GRIA3: variants seen among roughly 807,000 people sequenced by gnomAD.
GRIA3 encodes glutamate receptor 3.
A neutral mutation model predicts 63.0 loss-of-function variants in GRIA3; 3 were observed. The ratio of observed to expected loss-of-function variants is 0.05; its 90% CI spans 0.02 to 0.12. GRIA3 has a LOEUF of 0.12. GRIA3 is among the 10% of genes least tolerant of loss of function. GRIA3 has a pLI of 1.00. For synonymous variants in GRIA3, 274 were observed against 257.9 expected (o/e 1.06, Z -0.60); for missense variants, 347 against 700.9 (o/e 0.50, Z 5.70).
chrX:123,303,502 T>C (rs2044736166), intron 3 of GRIA3, among the ~76,000 whole-genome samples: 1 of 111,344 alleles, frequency 9.0e-6, no homozygotes, highest in African/African-American at 3.3e-5. Context: ...TAAGGAAACA[T>C]ATATCTGTGA....
chrX:123,417,527 A>G lies in GRIA3; in HGVS notation c.1626A>G (p.Pro542=). The G allele has an allele frequency of 4.1e-6, 5 of 1,210,837 alleles. No individual in the cohort carries two copies. Among genetic ancestry groups the G allele is most frequent in the Non-Finnish European group, 5.6e-6 (5 of 894,710 alleles). ...TAAAGAAGCCTCAGAAATCAAAACC[A>G]GGCGTATTCTCATTTCTGGATCCCC... is the stretch of plus-strand genomic sequence containing the variant. ...IMIKKPQKSK[P]GVFSFLDPLA... Residue 542 remains proline (P), a synonymous_variant, in exon 11 of 16, where the codon CCA becomes CCG. Transcript: ENST00000620443.
At chrX:123,215,283 A>T (rs1296443345) in intron 2 of GRIA3, among the ~76,000 whole-genome samples, 1 of 111,924 alleles carries the variant, frequency 8.9e-6, no homozygotes, top group Non-Finnish European at 1.9e-5. Flanking sequence ...AAGCTGTAGG[A>T]CTTTAGCAAA....
At chrX:123,403,734 T>C (rs777244637) in intron 9 of GRIA3, among the ~76,000 whole-genome samples, 2 of 111,541 alleles carry the variant, frequency 1.8e-5, no homozygotes, top group South Asian at 3.8e-4. Flanking sequence ...TTAGAACAGT[T>C]TTAGATTATC....
intron 3 of GRIA3, among the ~76,000 whole-genome samples, chrX:123,291,542 T>TG (rs925161845): frequency 3.6e-5 from 4 of 110,233 alleles, no homozygotes; most frequent in African/African-American, 1.3e-4. Context: ...CATGTACCCC[T>TG]GAATCTCAAA....
chrX:123,190,526 G>A lies in GRIA3; in HGVS notation c.268+4536G>A, dbSNP rs181641177. On this transcript the variant is annotated intron_variant, in intron 2 of 15. Coordinates refer to ENST00000620443, the MANE Select transcript of GRIA3 (RefSeq NM_007325.5). ...TAGATGGCAATCAGCAGGCTGTAAA[G>A]GTGAGCTTCCTGCAAAGTGTATTAC... Among the ~76,000 whole-genome samples the A allele has an allele frequency of 4.5e-5, 5 of 111,519 alleles. No individual in the cohort carries two copies. In the Admixed American group the frequency reaches 4.8e-4, roughly 11 times the overall value.
intron 3 of GRIA3, among the ~76,000 whole-genome samples, chrX:123,319,225 G>A (rs148872662): frequency 1.0e-3 from 113 of 111,878 alleles, no homozygotes; most frequent in African/African-American, 3.4e-3. Context: ...ACAGTAACAT[G>A]CTGTACAGTT....
chrX:123,191,724 T>G (rs1455379544), intron 2 of GRIA3, among the ~76,000 whole-genome samples: 1 of 110,481 alleles, frequency 9.1e-6, no homozygotes, highest in Non-Finnish European at 1.9e-5. Flanking sequence ...TCCCAGAACT[T>G]CTCCTTCTCC....
At position 123,326,015 on chromosome X, in the gene GRIA3, C is replaced by T; in HGVS notation, c.509-11C>T. 8.4e-7 allele frequency: 1 copy of T among 1,196,517 alleles called. No individual in the cohort carries two copies. Among genetic ancestry groups the T allele is most frequent in the Non-Finnish European group, 1.1e-6 (1 of 882,206 alleles). On this transcript the variant is annotated splice_polypyrimidine_tract_variant and intron_variant, in intron 3 of 15. Coordinates refer to ENST00000620443, the MANE Select transcript of GRIA3 (RefSeq NM_007325.5). ...TTTTTAAATCATTGAAGCTGTTTTTCCTTCCTTCAGGATTTTCCATCCTCC... is the reference window on the plus strand; with the variant it reads ...TTTTTAAATCATTGAAGCTGTTTTTTCTTCCTTCAGGATTTTCCATCCTCC...
intron 3 of GRIA3, among the ~76,000 whole-genome samples, chrX:123,308,599 G>A (rs981672057): frequency 8.9e-6 from 1 of 111,820 alleles, no homozygotes. Flanking sequence ...GGTAACCAGG[G>A]CTGTGCAGAG....
intron 2 of GRIA3, among the ~76,000 whole-genome samples, chrX:123,227,368 T>C (rs1031190928): frequency 8.9e-6 from 1 of 111,808 alleles, no homozygotes; most frequent in East Asian, 2.8e-4. Flanking sequence ...ATAAAGCAAA[T>C]ATTTAATAAA....
At chrX:123,313,262 T>C (rs1219330329) in intron 3 of GRIA3, among the ~76,000 whole-genome samples, 1 of 111,320 alleles carries the variant, frequency 9.0e-6, no homozygotes, top group Non-Finnish European at 1.9e-5. Context: ...TTGAACCCCA[T>C]TTTGGGTGTT....
At chrX:123,327,331 A>G (rs1046942595) in intron 4 of GRIA3, among the ~76,000 whole-genome samples, 8 of 111,740 alleles carry the variant, frequency 7.2e-5, no homozygotes, top group African/African-American at 2.6e-4. Context: ...TCAAGCTGAA[A>G]TGTGAAGAAA....
At chrX:123,224,506 G>GT (rs1271777218) in intron 2 of GRIA3, among the ~76,000 whole-genome samples, 1 of 110,991 alleles carries the variant, frequency 9.0e-6, no homozygotes, top group African/African-American at 3.3e-5. Flanking sequence ...TATTCTCCTC[G>GT]TTTTTTTCCA....
intron 6 of GRIA3, among the ~76,000 whole-genome samples, chrX:123,397,976 T>C (rs1351293130): frequency 8.9e-6 from 1 of 112,110 alleles, no homozygotes. Flanking sequence ...TGTTCTTGCC[T>C]GCAAGAGGTG....
intron 4 of GRIA3, among the ~76,000 whole-genome samples, 188 bp downstream of exon 4, chrX:123,326,401 A>C (rs2044905302): frequency 9.1e-6 from 1 of 110,280 alleles, no homozygotes; most frequent in Non-Finnish European, 1.9e-5. Flanking sequence ...GAAAGAAAAG[A>C]GAAGAAAATC....
Position 123,316,576 on chromosome X carries a change from GT to G in GRIA3, c.509-9448del, listed in dbSNP as rs1215137775. Reference sequence around the variant, plus strand: ...AAATAATTAGAGATGCTGTATGAGTGTTGTCAGCACGGCATTATTCATAATA... The same window carrying G: ...AAATAATTAGAGATGCTGTATGAGTGTGTCAGCACGGCATTATTCATAATA... On this transcript the variant is annotated intron_variant, in intron 3 of 15. Coordinates refer to ENST00000620443, the MANE Select transcript of GRIA3 (RefSeq NM_007325.5). 7.1e-5 allele frequency among the ~76,000 whole-genome samples: 8 copies of G among 112,362 alleles called. No homozygotes were observed. In the South Asian group the frequency reaches 1.1e-3, roughly 16 times the overall value.
At chrX:123,391,066 T>C (rs1243594571) in intron 5 of GRIA3, among the ~76,000 whole-genome samples, 1 of 111,829 alleles carries the variant, frequency 8.9e-6, no homozygotes, top group Non-Finnish European at 1.9e-5. Flanking sequence ...TGTATTGTTG[T>C]TCTGATTTCT....
At chrX:123,298,366 A>G (rs971106009) in intron 3 of GRIA3, among the ~76,000 whole-genome samples, 11 of 110,831 alleles carry the variant, frequency 9.9e-5, no homozygotes, top group Non-Finnish European at 2.1e-4. Context: ...TAAGGGTACC[A>G]TTTTCTCCAC....
intron 2 of GRIA3, among the ~76,000 whole-genome samples, chrX:123,217,712 C>T (rs907844036): frequency 2.7e-5 from 3 of 112,340 alleles, no homozygotes; most frequent in African/African-American, 9.7e-5. Flanking sequence ...AGTACTTGTA[C>T]CCCAAAGGGT....
Sources: allele counts gnomAD v4.1 joint callset (sites outside exome capture counted in the v4.1 genomes callset), GRCh38; gene constraint gnomAD v4.1.1; transcripts MANE v1.5; gene names NCBI Gene and HGNC (gene_info 2026-07-23, HGNC 2026-07-21).